UGGT2: variants seen among roughly 807,000 people sequenced by gnomAD.
UGGT2 encodes UDP-glucose glycoprotein glucosyltransferase 2.
A neutral mutation model predicts 192.1 loss-of-function variants in UGGT2; 180 were observed. The ratio of observed to expected loss-of-function variants is 0.94; its 90% confidence interval spans 0.83 to 1.06. The LOEUF is 1.06. Ranked by LOEUF, UGGT2 falls within the 50% of genes least tolerant of loss-of-function variation. The pLI, the probability that UGGT2 is intolerant of heterozygous loss-of-function variation, is 0.00. For synonymous variants in UGGT2, 580 were observed against 591.0 expected, an observed-to-expected ratio of 0.98 and a Z score of 0.27; for missense variants, 1,849 against 1,795.7, an observed-to-expected ratio of 1.03 and a Z score of -0.54.
intron 36 of UGGT2, among the ~76,000 whole-genome samples, chr13:95,847,067 T>C (rs1026832490): frequency 1.4e-4 from 21 of 151,344 alleles, no homozygotes; most frequent in Non-Finnish European, 2.2e-4. Flanking sequence ...TTTTCTTTTT[T>C]TTTTTTATTT....
At chr13:96,004,752 T>C (rs1441482656) in intron 5 of UGGT2, among the ~76,000 whole-genome samples, 2 of 145,954 alleles carry the variant, frequency 1.4e-5, no homozygotes, top group Non-Finnish European at 3.0e-5. Context: ...AAAAAAATAA[T>C]TTATTGTATG....
At chr13:95,802,648 G>A (rs182662376) in intron 38 of UGGT2, among the ~76,000 whole-genome samples, 1 of 152,278 alleles carries the variant, frequency 6.6e-6, no homozygotes, top group East Asian at 1.9e-4. Context: ...TCCTGATGGA[G>A]GAGGCTGGAC....
At chr13:95,960,394 T>G (rs960681511) in intron 12 of UGGT2, among the ~76,000 whole-genome samples, 3 of 152,072 alleles carry the variant, frequency 2.0e-5, no homozygotes, top group African/African-American at 7.2e-5. Context: ...AAATAGAAAA[T>G]TCATTGAATG....
chr13:95,976,356 T>C (rs73560901), intron 10 of UGGT2, among the ~76,000 whole-genome samples: 1,695 of 152,326 alleles, frequency 0.011, 36 homozygotes, highest in African/African-American at 0.039. Flanking sequence ...ATTTTAGCTA[T>C]TGTGAATAGT....
In UGGT2 at chr13:95,981,647, T is replaced by C. The variant is rs555349758; in HGVS notation, c.1092+2157A>G. Among the ~76,000 whole-genome samples, 4 of 152,312 alleles carry C rather than the reference T, an allele frequency of 2.6e-5. No individual in the cohort carries two copies. In the East Asian group the frequency reaches 7.7e-4, roughly 29 times the overall value. On this transcript the variant is annotated intron_variant, in intron 10 of 38. Transcript: ENST00000376747. Reference sequence around the variant, plus strand: ...AAAAAAAGACCATTATTACTTCTTTTTTCGGTGAACATTTTGTTTACATGT... The same window carrying C: ...AAAAAAAGACCATTATTACTTCTTTCTTCGGTGAACATTTTGTTTACATGT...
chr13:96,049,055 C>T (rs1594645467), intron 1 of UGGT2, among the ~76,000 whole-genome samples: 1 of 152,186 alleles, frequency 6.6e-6, no homozygotes, highest in Non-Finnish European at 1.5e-5. Context: ...ACCAATATCC[C>T]TGATGAACAT....
intron 12 of UGGT2, among the ~76,000 whole-genome samples, chr13:95,954,281 C>T (rs1345449889): frequency 1.3e-5 from 2 of 152,054 alleles, no homozygotes; most frequent in African/African-American, 2.4e-5. Context: ...AATTCTATGC[C>T]CCACAACAAT....
In UGGT2 at chr13:95,804,501, T is replaced by C. The variant is rs573592945; in HGVS notation, c.4529-2689A>G. ...AGAATCACAAGGGATGCCGAAAATA[T>C]TGTGAAAAAGAATGAAGTTGGCAGA... On this transcript the variant is annotated intron_variant, in intron 38 of 38. Coordinates refer to ENST00000376747, the MANE Select transcript of UGGT2 (RefSeq NM_020121.4). Among the ~76,000 whole-genome samples the C allele has an allele frequency of 2.6e-5, 4 of 152,260 alleles. No individual in the cohort carries two copies. The East Asian group carries it at 7.7e-4, about 29-fold the overall frequency.
chr13:95,832,873 T>C, intron 38 of UGGT2, 54 bp downstream of exon 38: 1 of 1,598,076 alleles, frequency 6.3e-7, no homozygotes, highest in South Asian at 1.1e-5. Flanking sequence ...TAGTCTATTC[T>C]AATCTCATTA....
At chr13:95,811,823 CAT>C (rs1317722540) in intron 38 of UGGT2, among the ~76,000 whole-genome samples, 2 of 151,580 alleles carry the variant, frequency 1.3e-5, no homozygotes, top group Non-Finnish European at 2.9e-5. Context: ...GTGTTAGAGA[CAT>C]ATATTCTAAA....
intron 5 of UGGT2, among the ~76,000 whole-genome samples, chr13:96,000,895 C>T (rs2051779294): frequency 6.6e-6 from 1 of 152,004 alleles, no homozygotes. Flanking sequence ...TCTATTTCCC[C>T]CACAAAAAGG....
intron 12 of UGGT2, among the ~76,000 whole-genome samples, chr13:95,960,420 T>C (rs1410778730): frequency 1.3e-5 from 2 of 152,166 alleles, no homozygotes; most frequent in African/African-American, 2.4e-5. Context: ...TAAAATGTAT[T>C]GAAAAGCTTC....
intron 38 of UGGT2, among the ~76,000 whole-genome samples, chr13:95,825,984 T>A (rs978811673): frequency 6.6e-6 from 1 of 152,070 alleles, no homozygotes; most frequent in Admixed American, 6.6e-5. Flanking sequence ...TGGAGTTTAT[T>A]CTAGGAATAC....
In UGGT2 at chr13:95,926,373, G is replaced by T. The variant is rs139116536; in HGVS notation, c.2201-599C>A. Among the ~76,000 whole-genome samples the T allele has an allele frequency of 9.1e-3, 1,386 of 152,114 alleles. 25 individuals carry two copies. The highest frequency in any genetic ancestry group is 0.032 in the African/African-American group (1,321 of 41,506). On this transcript the variant is annotated intron_variant, in intron 19 of 38. Transcript: ENST00000376747. Reference sequence around the variant, plus strand: ...ACATAGTTCATTCCATCTGTTTAATGAACTCTCACTGTTAGAAAATTACCA... The same window carrying T: ...ACATAGTTCATTCCATCTGTTTAATTAACTCTCACTGTTAGAAAATTACCA...
chr13:95,891,055 TTTTC>T lies in UGGT2; in HGVS notation c.2856-95_2856-92del, dbSNP rs1192799710. The T allele has an allele frequency of 4.0e-5, 37 of 931,266 alleles. No homozygotes were observed. In the African/African-American group the frequency reaches 4.6e-4, roughly 11 times the overall value. 57.7% of individuals were successfully genotyped at this position (931,266 alleles called of 1,614,324 possible). On this transcript the variant is annotated intron_variant, in intron 24 of 38. Transcript: ENST00000376747. ...TTAGCTATATAATTCTTATAAATTG[TTTTC>T]TTTCTCACTAAAATTGTAAAATACT... is the stretch of plus-strand genomic sequence containing the variant.
rs188304488 is a variant in UGGT2 at position 95,809,522 on chromosome 13, G to A, written c.4529-7710C>T. The A allele has an allele frequency of 1.3e-3, 439 of 345,972 alleles. 3 individuals are homozygous for A. The highest frequency in any genetic ancestry group is 9.0e-3 in the African/African-American group (411 of 45,846). The allele number at this position is 345,972 out of a possible 1,614,324, so 21.4% of individuals were successfully genotyped here. On this transcript the variant is annotated intron_variant, in intron 38 of 38. Transcript: ENST00000376747. ...TCTGGCTTAGTTTCCACTTTCGCAG[G>A]GGCAGGTTTAGCTGACAAGTGTGCA...
At chr13:95,928,498 G>A (rs1429195972) in intron 17 of UGGT2, among the ~76,000 whole-genome samples, 7 of 151,340 alleles carry the variant, frequency 4.6e-5, no homozygotes, top group South Asian at 2.1e-4. Flanking sequence ...GGTCAGAGAC[G>A]CTCCTCACCT....
At chr13:95,974,418 G>GT (rs1765413576) in intron 10 of UGGT2, among the ~76,000 whole-genome samples, 3 of 152,138 alleles carry the variant, frequency 2.0e-5, no homozygotes, top group African/African-American at 4.8e-5. Flanking sequence ...GAGCTCAATT[G>GT]TAAGTACAAA....
At chr13:95,910,307 A>G (rs575544188) in intron 20 of UGGT2, among the ~76,000 whole-genome samples, 2 of 152,338 alleles carry the variant, frequency 1.3e-5, no homozygotes, top group South Asian at 4.1e-4. Context: ...AATTGGATAA[A>G]GAGTCAAGAC....
Sources: allele counts gnomAD v4.1 joint callset (sites outside exome capture counted in the v4.1 genomes callset), GRCh38; gene constraint gnomAD v4.1.1; transcripts MANE v1.5; gene names NCBI Gene and HGNC (gene_info 2026-07-23, HGNC 2026-07-21).